QSER1: variants seen among roughly 807,000 people sequenced by gnomAD.
QSER1 encodes glutamine and serine-rich protein 1.
Under a neutral mutation model 158.5 loss-of-function variants are expected in QSER1, and 49 were observed. The observed-to-expected ratio is 0.31, with a 90% CI of 0.25 to 0.39. The LOEUF (loss-of-function observed/expected upper bound fraction) is 0.39. Ranked by LOEUF, QSER1 falls within the 10% of genes least tolerant of loss-of-function variation. QSER1 has a pLI of 1.00. For synonymous variants in QSER1, 650 were observed against 715.5 expected, an observed-to-expected ratio of 0.91 and a Z score of 1.46; for missense variants, 1,754 against 2,010.3, an observed-to-expected ratio of 0.87 and a Z score of 2.44.
rs1036833868 is a variant in QSER1 at position 32,967,484 on chromosome 11, A to G, written c.5107+1047A>G. Among the ~76,000 whole-genome samples, 5 of 150,012 alleles carry G rather than the reference A, an allele frequency of 3.3e-5. No homozygotes were observed. In the South Asian group the frequency reaches 1.1e-3, roughly 32 times the overall value. On this transcript the variant is annotated intron_variant, in intron 9 of 12. Transcript: ENST00000650167. ...CCCCTAAAGCTATTGAAATTTTTAA[A>G]AAGTTTTTTTTAAAGAAGAAAATAA...
intron 4 of QSER1, among the ~76,000 whole-genome samples, chr11:32,947,414 T>G (rs1852354231): frequency 1.3e-5 from 2 of 152,244 alleles, no homozygotes; most frequent in Non-Finnish European, 2.9e-5. Context: ...TCATTAATAG[T>G]GTTCAAATCC....
rs2133476865 is a variant in QSER1, at chr11:32,892,950, C to T, written c.-176C>T. Among the ~76,000 whole-genome samples, 1 of 147,002 alleles carries T rather than the reference C, an allele frequency of 6.8e-6. No homozygotes were observed. Among genetic ancestry groups the T allele is most frequent in the East Asian group, 2.0e-4 (1 of 4,946 alleles). ...CCGCCGCGGCCCGGGTCTTTGCGGCCCAGACTCGCCAGCGCGCCCTTCTCC... is the reference window on the plus strand; with the variant it reads ...CCGCCGCGGCCCGGGTCTTTGCGGCTCAGACTCGCCAGCGCGCCCTTCTCC... On this transcript the variant is annotated 5_prime_UTR_variant, in exon 1 of 13. Transcript: ENST00000650167.
At chr11:32,925,049 G>A (rs565491857) in intron 1 of QSER1, among the ~76,000 whole-genome samples, 12 of 152,294 alleles carry the variant, frequency 7.9e-5, no homozygotes, top group African/African-American at 2.9e-4. Context: ...TTGCTGCAAA[G>A]GACATGATTT....
intron 8 of QSER1, among the ~76,000 whole-genome samples, chr11:32,960,116 A>G (rs1852595120): frequency 1.3e-5 from 2 of 152,182 alleles, no homozygotes; most frequent in Admixed American, 6.5e-5. Flanking sequence ...AGTGGTGCAC[A>G]TCTACACACC....
chr11:32,909,033 G>A (rs189386485), intron 1 of QSER1, among the ~76,000 whole-genome samples: 248 of 152,216 alleles, frequency 1.6e-3, no homozygotes, highest in Middle Eastern at 3.4e-3. Context: ...GGTGGTACAC[G>A]CCTATGGTCC....
Position 32,933,616 on chromosome 11 carries a change from T to G in QSER1, c.2358T>G (p.Leu786=), listed in dbSNP as rs1207833266. ...TCAATAATGCAGCTACCCTTGATCT[T>G]AAGAACTCAACTAATTTAATACAGA... ...GQVNNAATLD[L]KNSTNLIQTP... Residue 786 remains leucine, a synonymous_variant, in exon 4 of 13, where the codon CTT becomes CTG. Transcript: ENST00000650167. The G allele has an allele frequency of 3.7e-6, 6 of 1,613,982 alleles. No individual in the cohort carries two copies. In the East Asian group the frequency reaches 1.1e-4, roughly 30 times the overall value.
chr11:32,908,631 T>C (rs368167158), intron 1 of QSER1, among the ~76,000 whole-genome samples: 73 of 152,368 alleles, frequency 4.8e-4, no homozygotes, highest in African/African-American at 1.6e-3. Flanking sequence ...AATATTTCAT[T>C]GCATAGACAT....
At chr11:32,957,462 GAC>G (rs1852539811) in intron 7 of QSER1, among the ~76,000 whole-genome samples, 1 of 152,148 alleles carries the variant, frequency 6.6e-6, no homozygotes. Flanking sequence ...ATCAAAACCT[GAC>G]ACCACCAGAG....
At chr11:32,929,872 G>A (rs1852022994) in intron 3 of QSER1, among the ~76,000 whole-genome samples, 1 of 152,104 alleles carries the variant, frequency 6.6e-6, no homozygotes, top group Non-Finnish European at 1.5e-5. Context: ...TCACTCTACT[G>A]GATAGAAGGA....
At chr11:32,959,598 A>T (rs1484383682) in intron 8 of QSER1, among the ~76,000 whole-genome samples, 1 of 152,128 alleles carries the variant, frequency 6.6e-6, no homozygotes, top group Non-Finnish European at 1.5e-5. Flanking sequence ...GCAGAACTTG[A>T]ATGGTGAATT....
chr11:32,922,059 A>C (rs1040307185), intron 1 of QSER1, among the ~76,000 whole-genome samples: 2 of 152,180 alleles, frequency 1.3e-5, no homozygotes, highest in African/African-American at 4.8e-5. Flanking sequence ...TTTAAAAATG[A>C]GTATCAACCT....
intron 1 of QSER1, among the ~76,000 whole-genome samples, chr11:32,918,046 T>C (rs1213762039): frequency 6.6e-6 from 1 of 152,136 alleles, no homozygotes; most frequent in Non-Finnish European, 1.5e-5. Flanking sequence ...GGCTTAATCT[T>C]TCATTTTTGA....
At chr11:32,953,321 CCTTAT>C (rs1852455474) in intron 4 of QSER1, among the ~76,000 whole-genome samples, 1 of 150,992 alleles carries the variant, frequency 6.6e-6, no homozygotes, top group Admixed American at 6.6e-5. Flanking sequence ...GCCGACCCTT[CCTTAT>C]CTTCTATCAC....
intron 1 of QSER1, among the ~76,000 whole-genome samples, chr11:32,905,342 A>C (rs1184330334): frequency 2.6e-5 from 4 of 152,236 alleles, no homozygotes; most frequent in African/African-American, 9.6e-5. Flanking sequence ...AACGTTTTAA[A>C]ACATTTCTCA....
intron 1 of QSER1, among the ~76,000 whole-genome samples, chr11:32,915,619 C>T (rs1424593901): frequency 6.6e-6 from 1 of 152,132 alleles, no homozygotes; most frequent in African/African-American, 2.4e-5. Context: ...TTGAGGCATG[C>T]TTTTTCCTTT....
At chr11:32,899,213 T>G (rs901022895) in intron 1 of QSER1, among the ~76,000 whole-genome samples, 4 of 152,234 alleles carry the variant, frequency 2.6e-5, no homozygotes, top group Non-Finnish European at 2.9e-5. Flanking sequence ...CCATGGCATA[T>G]AGTTGGTGCT....
Position 32,904,855 on chromosome 11 carries a change from C to T in QSER1, c.209+11521C>T, listed in dbSNP as rs898239286. Among the ~76,000 whole-genome samples the T allele has an allele frequency of 6.2e-4, 95 of 152,158 alleles. 13 individuals are homozygous for T. Among genetic ancestry groups the T allele is most frequent in the Non-Finnish European group, 4.4e-5 (3 of 68,024 alleles). ...AACCCTGCTTAAGGTTTCTTCATAA[C>T]ATTTATCAATCCTTGATATAAATAC... On this transcript the variant is annotated intron_variant, in intron 1 of 12. Coordinates refer to ENST00000650167, the MANE Select transcript of QSER1 (RefSeq NM_001076786.3).
chr11:32,897,763 A>G (rs1470431659), intron 1 of QSER1, among the ~76,000 whole-genome samples: 1 of 152,134 alleles, frequency 6.6e-6, no homozygotes, highest in African/African-American at 2.4e-5. Flanking sequence ...TCACATAACC[A>G]ACTACCTCTT....
intron 1 of QSER1, among the ~76,000 whole-genome samples, chr11:32,911,118 C>T (rs2133507629): frequency 6.6e-6 from 1 of 152,274 alleles, no homozygotes; most frequent in East Asian, 1.9e-4. Flanking sequence ...TTTTTGGAGA[C>T]ATTCCTGGTT....
Sources: allele counts gnomAD v4.1 joint callset (sites outside exome capture counted in the v4.1 genomes callset), GRCh38; gene constraint gnomAD v4.1.1; transcripts MANE v1.5; gene names NCBI Gene and HGNC (gene_info 2026-07-23, HGNC 2026-07-21).